CSMD1: variants seen among roughly 807,000 people sequenced by gnomAD.
The protein encoded by CSMD1 is CUB and Sushi multiple domains 1, also known as CUB and sushi domain-containing protein 1.
CSMD1 carries 213 observed loss-of-function variants against 417.5 expected under a neutral mutation model. The observed-to-expected ratio is 0.51, with a 90% CI of 0.46 to 0.57. The LOEUF (loss-of-function observed/expected upper bound fraction) is 0.57. Among genes scored for constraint, CSMD1 ranks in the 20% least tolerant of loss-of-function variants. The pLI, the probability that CSMD1 is intolerant of heterozygous loss-of-function variation, is 0.00. For missense variants in CSMD1, 6,923 were observed against 4,529.7 expected (o/e 1.53, Z -15.17); for synonymous variants, 2,862 against 1,736.8 (o/e 1.65, Z -16.11).
intron 1 of CSMD1, among the ~76,000 whole-genome samples, chr8:4,802,943 G>C (rs769193390): frequency 7.9e-5 from 12 of 152,156 alleles, no homozygotes; most frequent in Admixed American, 2.0e-4. Context: ...AGTGATCTTA[G>C]TGCTGGCTTC....
At chr8:3,164,462 C>G (rs1380134186) in intron 37 of CSMD1, among the ~76,000 whole-genome samples, 3 of 152,124 alleles carry the variant, frequency 2.0e-5, no homozygotes, top group Non-Finnish European at 2.9e-5. Flanking sequence ...TCACTTAGGC[C>G]TTTAACTTCT....
chr8:4,126,541 G>A (rs754878506), intron 3 of CSMD1, among the ~76,000 whole-genome samples: 3 of 152,180 alleles, frequency 2.0e-5, no homozygotes, highest in Non-Finnish European at 4.4e-5. Context: ...GCTGCAGGGA[G>A]GCCACTGATC....
chr8:4,278,677 G>C (rs143794782), intron 3 of CSMD1, among the ~76,000 whole-genome samples: 4 of 152,260 alleles, frequency 2.6e-5, no homozygotes, highest in East Asian at 3.9e-4. Context: ...ATACCGAACA[G>C]TCTATAGCCA....
At chr8:3,758,782 C>T (rs1331764263) in intron 5 of CSMD1, among the ~76,000 whole-genome samples, 4 of 152,192 alleles carry the variant, frequency 2.6e-5, no homozygotes, top group African/African-American at 9.7e-5. Context: ...TGTCACCTGA[C>T]ATGGCTCATG....
In CSMD1 at chr8:3,396,246, C is replaced by A; in HGVS notation, c.2541G>T (p.Leu847=). ...TGGAGCGGCTGTTGTCAGTGGTGAA[C>A]AGCAGGTACATGAAGTTCCCGGTGC... ...LISTGNFMYL[L]FTTDNSRSSI... Residue 847 remains leucine, a synonymous_variant, in exon 17 of 70, where the codon CTG becomes CTT. Transcript: ENST00000635120. 1 of 1,576,308 alleles carries A rather than the reference C, an allele frequency of 6.3e-7. No individual in the cohort carries two copies. The highest frequency in any genetic ancestry group is 1.3e-5 in the African/African-American group (1 of 74,196).
chr8:3,790,471 T>A (rs935153520), intron 5 of CSMD1, among the ~76,000 whole-genome samples: 8 of 152,166 alleles, frequency 5.3e-5, no homozygotes, highest in Non-Finnish European at 8.8e-5. Flanking sequence ...ATGTTGATGG[T>A]GATGCTAATG....
intron 1 of CSMD1, among the ~76,000 whole-genome samples, chr8:4,951,134 C>G (rs1211892682): frequency 6.6e-6 from 1 of 152,176 alleles, no homozygotes; most frequent in Non-Finnish European, 1.5e-5. Flanking sequence ...ACACCCTCCT[C>G]TTGGACTGTC....
intron 3 of CSMD1, among the ~76,000 whole-genome samples, chr8:4,357,470 T>C (rs989779949): frequency 3.9e-5 from 6 of 152,096 alleles, no homozygotes; most frequent in African/African-American, 9.7e-5. Context: ...TCTCCTACCA[T>C]CGCCCTCACC....
At chr8:4,496,674 C>T (rs1247975650) in intron 2 of CSMD1, among the ~76,000 whole-genome samples, 1 of 152,130 alleles carries the variant, frequency 6.6e-6, no homozygotes, top group East Asian at 1.9e-4. Flanking sequence ...CTTTATCCTG[C>T]CACTCTGACA....
At chr8:3,578,839 G>C (rs572822777) in intron 9 of CSMD1, among the ~76,000 whole-genome samples, 33 of 152,276 alleles carry the variant, frequency 2.2e-4, no homozygotes, top group African/African-American at 5.5e-4. Context: ...CGAAGTATGT[G>C]ATTAACCAGC....
intron 10 of CSMD1, among the ~76,000 whole-genome samples, chr8:3,563,013 G>A (rs1464427027): frequency 6.6e-6 from 1 of 151,950 alleles, no homozygotes; most frequent in Non-Finnish European, 1.5e-5. Context: ...AAGTCAAAGA[G>A]AAAGTAGAAG....
Position 3,412,038 on chromosome 8 carries a change from A to ATATATACGTG in CSMD1, c.1562-2434_1562-2433insCACGTATATA, listed in dbSNP as rs1812821151. Among the ~76,000 whole-genome samples the ATATATACGTG allele has an allele frequency of 3.7e-5, 3 of 81,126 alleles. 1 individual carries two copies. Among genetic ancestry groups the ATATATACGTG allele is most frequent in the Non-Finnish European group, 7.0e-5 (3 of 42,692 alleles). 53.2% of individuals were successfully genotyped at this position (81,126 alleles called of 152,430 possible). ...TACATATACACACGTATATATACAC[A>ATATATACGTG]TATATACACGTATATATACACACGT... is the stretch of plus-strand genomic sequence containing the variant. On this transcript the variant is annotated intron_variant, in intron 12 of 69. Coordinates refer to ENST00000635120, the MANE Select transcript of CSMD1 (RefSeq NM_033225.6).
At chr8:2,941,962 CAT>C (rs1801905066) in intron 69 of CSMD1, among the ~76,000 whole-genome samples, 1 of 152,100 alleles carries the variant, frequency 6.6e-6, no homozygotes, top group South Asian at 2.1e-4. Flanking sequence ...AAGAAAAAAA[CAT>C]ATTATTTCTC....
chr8:4,370,030 G>C (rs774712934), intron 3 of CSMD1, among the ~76,000 whole-genome samples: 7 of 151,902 alleles, frequency 4.6e-5, no homozygotes, highest in Admixed American at 3.9e-4. Context: ...TTGTATAGTT[G>C]ATTTATAATG....
At chr8:4,276,187 C>T (rs949904565) in intron 3 of CSMD1, among the ~76,000 whole-genome samples, 1 of 152,248 alleles carries the variant, frequency 6.6e-6, no homozygotes, top group East Asian at 1.9e-4. Context: ...CTTATTGCAG[C>T]ACTGTTCACA....
chr8:4,943,494 T>C (rs1464097343), intron 1 of CSMD1, among the ~76,000 whole-genome samples: 2 of 60,330 alleles, frequency 3.3e-5, no homozygotes, highest in East Asian at 2.3e-3. Context: ...AGACACCGTC[T>C]CAAAAAAATA....
intron 10 of CSMD1, among the ~76,000 whole-genome samples, chr8:3,510,703 A>C (rs1278997441): frequency 6.6e-6 from 1 of 151,828 alleles, no homozygotes; most frequent in Non-Finnish European, 1.5e-5. Flanking sequence ...TTGCCATTCT[A>C]ACTGGTGTGA....
chr8:4,974,473 C>T (rs1331997235), intron 1 of CSMD1, among the ~76,000 whole-genome samples: 2 of 151,486 alleles, frequency 1.3e-5, no homozygotes, highest in African/African-American at 4.8e-5. Context: ...ATATATAAAT[C>T]ACTACATGTT....
intron 50 of CSMD1, among the ~76,000 whole-genome samples, chr8:3,044,178 T>C (rs932614671): frequency 6.6e-6 from 1 of 152,230 alleles, no homozygotes; most frequent in African/African-American, 2.4e-5. Flanking sequence ...CATGTCATAG[T>C]GAGCATTTGT....
Sources: allele counts gnomAD v4.1 joint callset (sites outside exome capture counted in the v4.1 genomes callset), GRCh38; gene constraint gnomAD v4.1.1; transcripts MANE v1.5; gene names NCBI Gene and HGNC (gene_info 2026-07-23, HGNC 2026-07-21).